Variants in TMEM143 observed in about 807,000 individuals in gnomAD.
TMEM143 encodes the protein transmembrane protein 143.
In TMEM143, 45 loss-of-function variants were observed where a neutral mutation model predicts 40.3. That is an observed-to-expected ratio of 1.12 (90% CI 0.88 to 1.43). The LOEUF (loss-of-function observed/expected upper bound fraction) is 1.43, where lower values mean the gene tolerates loss of function less well. TMEM143 is among the 40% of genes most tolerant of loss of function. The pLI is 0.00. For missense variants in TMEM143, 620 were observed against 613.4 expected (o/e 1.01, Z -0.11); for synonymous variants, 299 against 282.7 (o/e 1.06, Z -0.58).
At chr19:48,352,261 A>AAAAAAAAAAAAAAAAC (rs930196732) in intron 3 of TMEM143, among the ~76,000 whole-genome samples, 4 of 143,894 alleles carry the variant, frequency 2.8e-5, no homozygotes, top group African/African-American at 8.3e-5. Context: ...AAAAAAAAAA[A>AAAAAAAAAAAAAAAAC]ACACCATATC....
At chr19:48,343,247 A>G (rs960195479) in intron 5 of TMEM143, 74 bp downstream of exon 5, 4 of 1,524,812 alleles carry the variant, frequency 2.6e-6, no homozygotes, top group Non-Finnish European at 3.5e-6. Context: ...CAAACCAGAC[A>G]CTGACCTGTC....
chr19:48,346,366 G>C (rs191763857), intron 3 of TMEM143, among the ~76,000 whole-genome samples: 39 of 152,014 alleles, frequency 2.6e-4, no homozygotes, highest in African/African-American at 9.4e-4. Flanking sequence ...TGAGATTACA[G>C]ACATGAGCCA....
intron 3 of TMEM143, among the ~76,000 whole-genome samples, chr19:48,347,396 C>A (rs1969658029): frequency 6.6e-6 from 1 of 152,092 alleles, no homozygotes; most frequent in Admixed American, 6.6e-5. Context: ...TCAGAAACAA[C>A]TGAGCAAGGA....
intron 5 of TMEM143, chr19:48,343,046 C>T (rs899421299): frequency 1.0e-5 from 7 of 676,074 alleles, no homozygotes; most frequent in South Asian, 4.1e-5. Flanking sequence ...CTGGCCGTGC[C>T]GCATCTTCAG....
Position 48,333,429 on chromosome 19 carries a change from G to A in TMEM143, c.1170C>T (p.Thr390=), listed in dbSNP as rs931569980. ...CCACCTCCGACCGGAGCCACCTGGA[G>A]GTCTCTGCAAGGGGAGAGGCAGGTG... ...PGGTQGSPEE[T]SRWLRSEVEN... The change falls in exon 8 of 8, where the codon ACC becomes ACT. Residue 390 remains threonine (T), a synonymous_variant. Transcript: ENST00000293261. This position sits in a 1 kb window ranked among gnomAD's most constrained non-coding sequence, Gnocchi z 4.1. The A allele has an allele frequency of 1.3e-6, 2 of 1,585,156 alleles. No homozygotes were observed. Among genetic ancestry groups the A allele is most frequent in the African/African-American group, 2.7e-5 (2 of 74,266 alleles).
chr19:48,343,157 C>T (rs1448076619), intron 5 of TMEM143, 164 bp downstream of exon 5: 2 of 919,964 alleles, frequency 2.2e-6, no homozygotes, highest in Admixed American at 5.8e-5. Context: ...GTAGTACTCA[C>T]TTTCCCTTGA....
chr19:48,344,367 C>T (rs1353456259), intron 4 of TMEM143, among the ~76,000 whole-genome samples: 1 of 151,674 alleles, frequency 6.6e-6, no homozygotes, highest in Non-Finnish European at 1.5e-5. Context: ...CAGCTCACTG[C>T]AGCCTTAAAC....
At position 48,360,093 on chromosome 19, in the gene TMEM143, G is replaced by A; in HGVS notation, c.348C>T (p.His116=). 6.2e-7 allele frequency: 1 copy of A among 1,614,120 alleles called. No homozygotes were observed. The highest frequency in any genetic ancestry group is 8.5e-7 in the Non-Finnish European group (1 of 1,180,010). The part of the protein sequence containing the change: ...HVDFCTLFHY[H]QILARLQALY... ...TCACCTGCAGCCGGGCCAGGATTTG[G>A]TGGTAGTGGAACAGGGTGCAGAAGT... Residue 116 remains histidine, a synonymous_variant, in exon 3 of 8, where the codon CAC becomes CAT. Coordinates refer to ENST00000293261, the MANE Select transcript of TMEM143 (RefSeq NM_018273.4).
At chr19:48,360,388 G>C in intron 2 of TMEM143, 1 of 488,168 alleles carries the variant, frequency 2.0e-6, no homozygotes, top group Non-Finnish European at 3.7e-6. Context: ...GACCAGCGTG[G>C]CCAACATGGT....
At chr19:48,337,218 G>A (rs1257812530) in intron 6 of TMEM143, among the ~76,000 whole-genome samples, 2 of 151,940 alleles carry the variant, frequency 1.3e-5, no homozygotes, top group East Asian at 3.9e-4. Flanking sequence ...CAATGCCAAT[G>A]CCAGGGAGGG....
intron 3 of TMEM143, among the ~76,000 whole-genome samples, chr19:48,351,104 G>A (rs927697496): frequency 6.6e-6 from 1 of 151,856 alleles, no homozygotes; most frequent in African/African-American, 2.4e-5. Flanking sequence ...ACGGCTGGGC[G>A]TCTACTCAAT....
At chr19:48,338,271 T>G (rs1484537276) in intron 6 of TMEM143, among the ~76,000 whole-genome samples, 1 of 152,060 alleles carries the variant, frequency 6.6e-6, no homozygotes, top group East Asian at 1.9e-4. Context: ...CCTGCATCAC[T>G]CCAGCCTCCT....
At chr19:48,357,177 G>A (rs574489902) in intron 3 of TMEM143, among the ~76,000 whole-genome samples, 49 of 151,336 alleles carry the variant, frequency 3.2e-4, no homozygotes, top group Non-Finnish European at 3.1e-4. Flanking sequence ...GGCTGGTCTC[G>A]AACTCCTGAC....
chr19:48,335,616 G>A lies in TMEM143; in HGVS notation c.976-1419C>T, dbSNP rs149966135. ...CTCATGCCTGTAATCCCAGCTACCC[G>A]GGAGGCTGAGGCAGGAGAATCGCTT... On this transcript the variant is annotated intron_variant, in intron 6 of 7. Coordinates refer to ENST00000293261, the MANE Select transcript of TMEM143 (RefSeq NM_018273.4). 5.6e-3 allele frequency among the ~76,000 whole-genome samples: 859 copies of A among 152,236 alleles called. 12 individuals carry two copies. The highest frequency in any genetic ancestry group is 0.02 in the African/African-American group (813 of 41,528).
At chr19:48,353,456 T>C (rs1969819570) in intron 3 of TMEM143, among the ~76,000 whole-genome samples, 1 of 151,782 alleles carries the variant, frequency 6.6e-6, no homozygotes, top group Non-Finnish European at 1.5e-5. Flanking sequence ...AGTGCTGGGA[T>C]TACAGGTGTG....
intron 3 of TMEM143, among the ~76,000 whole-genome samples, chr19:48,354,390 G>A (rs535084189): frequency 2.7e-5 from 4 of 149,634 alleles, no homozygotes; most frequent in Admixed American, 1.3e-4. Context: ...TCAGCCTCCC[G>A]AGTAGCTGGG....
At chr19:48,341,320 C>A (rs773476011) in intron 6 of TMEM143, among the ~76,000 whole-genome samples, 1 of 152,170 alleles carries the variant, frequency 6.6e-6, no homozygotes, top group African/African-American at 2.4e-5. Flanking sequence ...GGATGGTGAA[C>A]AACCTGTGCA....
chr19:48,358,467 G>T (rs1204749107), intron 3 of TMEM143, among the ~76,000 whole-genome samples: 1 of 151,406 alleles, frequency 6.6e-6, no homozygotes, highest in Non-Finnish European at 1.5e-5. Flanking sequence ...TGAGCTCTCA[G>T]TCCTCCCTGC....
At chr19:48,337,315 G>A (rs560343063) in intron 6 of TMEM143, among the ~76,000 whole-genome samples, 125 of 152,216 alleles carry the variant, frequency 8.2e-4, no homozygotes, top group Middle Eastern at 3.4e-3. Flanking sequence ...TTGGGAGGCC[G>A]AGGCGGGCGG....
Sources: gnomAD v4.1 joint callset for allele counts (sites outside exome capture counted in the v4.1 genomes callset) on GRCh38, gnomAD v4.1.1 for gene constraint, Gnocchi (gnomAD v3.1) non-coding constraint, MANE v1.5 for transcripts, NCBI Gene and HGNC (gene_info 2026-07-23, HGNC 2026-07-21) for gene names.